Variants in PANK4 observed in about 807,000 individuals in gnomAD.
The protein encoded by PANK4 is 4'-phosphopantetheine phosphatase.
Under a neutral mutation model 87.9 loss-of-function variants are expected in PANK4, and 40 were observed. That is an observed-to-expected ratio of 0.46 (90% confidence interval 0.35 to 0.59). The LOEUF is 0.59. PANK4 is among the 20% of genes least tolerant of loss of function. PANK4 has a pLI of 0.00. For synonymous variants in PANK4, 524 were observed against 467.4 expected, an observed-to-expected ratio of 1.12 and a Z score of -1.56; for missense variants, 926 against 1,072.3, an observed-to-expected ratio of 0.86 and a Z score of 1.90.
At chr1:2,517,386 G>A (rs950292328) in intron 9 of PANK4, among the ~76,000 whole-genome samples, 1 of 152,238 alleles carries the variant, frequency 6.6e-6, no homozygotes, top group Non-Finnish European at 1.5e-5. Context: ...CAAATGACAA[G>A]CAACTTCCTG....
In PANK4 at chr1:2,519,477, G is replaced by C. The variant is rs1237114036; in HGVS notation, c.854-153C>G. Among the ~76,000 whole-genome samples the C allele has an allele frequency of 6.8e-6, 1 of 146,524 alleles. No individual in the cohort carries two copies. The highest frequency in any genetic ancestry group is 2.1e-4 in the East Asian group (1 of 4,806). On this transcript the variant is annotated intron_variant, in intron 6 of 18. Transcript: ENST00000378466. The surrounding 1 kb of genome is among the most constrained non-coding windows in gnomAD (Gnocchi z 8.3). ...GAGGGGGAGAGAGAGCTGAGTGGGG[G>C]AACTGGAGCCCAAGTGCGGGAGGCT...
chr1:2,522,000 C>T, intron 1 of PANK4, 200 bp from the exon 2 acceptor site: 1 of 588,770 alleles, frequency 1.7e-6, no homozygotes, highest in South Asian at 2.0e-5. Context: ...TTTTCTTTCT[C>T]AAATTCTGCT....
Position 2,519,109 on chromosome 1 carries a change from C to T in PANK4, c.1035+34G>A, listed in dbSNP as rs762407207. On this transcript the variant is annotated intron_variant, in intron 7 of 18. Transcript: ENST00000378466. This position sits in a 1 kb window ranked among gnomAD's most constrained non-coding sequence, Gnocchi z 8.3. Reference sequence around the variant, plus strand: ...GATTGGGAAGATCCTGGGGGGTCTGCGTTAGAGGCTGGGGAGGGCGGCGCA... The same window carrying T: ...GATTGGGAAGATCCTGGGGGGTCTGTGTTAGAGGCTGGGGAGGGCGGCGCA... 1.3e-5 allele frequency: 20 copies of T among 1,587,838 alleles called. No homozygotes were observed. The highest frequency in any genetic ancestry group is 5.6e-5 in the South Asian group (5 of 88,698).
At position 2,510,225 on chromosome 1, in the gene PANK4, G is replaced by T; in HGVS notation, c.1939-68C>A. The T allele has an allele frequency of 9.6e-7, 1 of 1,037,714 alleles. No individual in the cohort carries two copies. Among genetic ancestry groups the T allele is most frequent in the Non-Finnish European group, 1.5e-6 (1 of 680,730 alleles). The allele number at this position is 1,037,714 out of a possible 1,614,324, so 64.3% of individuals were successfully genotyped here. ...CCAGCATGGAGCCTGCGTGCACCCCGGCCTTCGAGTGGCTGGGCTGGGTGA... is the reference window on the plus strand; with the variant it reads ...CCAGCATGGAGCCTGCGTGCACCCCTGCCTTCGAGTGGCTGGGCTGGGTGA... On this transcript the variant is annotated intron_variant, in intron 16 of 18. Transcript: ENST00000378466. The surrounding 1 kb of genome is among the most constrained non-coding windows in gnomAD (Gnocchi z 4.9).
intron 14 of PANK4, 86 bp from the exon 15 acceptor site, chr1:2,511,473 G>T: frequency 8.3e-7 from 1 of 1,199,246 alleles, no homozygotes; most frequent in Non-Finnish European, 1.2e-6. Context: ...CGTCTCTCCA[G>T]GAAGCAAGTT....
chr1:2,510,503 G>A lies in PANK4; in HGVS notation c.1938+175C>T, dbSNP rs1643642969. On this transcript the variant is annotated intron_variant, in intron 16 of 18. Coordinates refer to ENST00000378466, the MANE Select transcript of PANK4 (RefSeq NM_018216.4). This position sits in a 1 kb window ranked among gnomAD's most constrained non-coding sequence, Gnocchi z 4.9. ...CCCTCAGCCTGAGCCCAGGGGGCTCGGAGCCTCCACCCCAGCAGATGACGG... is the reference window on the plus strand; with the variant it reads ...CCCTCAGCCTGAGCCCAGGGGGCTCAGAGCCTCCACCCCAGCAGATGACGG... 9.6e-6 allele frequency: 6 copies of A among 623,192 alleles called. No individual in the cohort carries two copies. Among genetic ancestry groups the A allele is most frequent in the South Asian group, 9.5e-5 (5 of 52,822 alleles). 38.6% of individuals were successfully genotyped at this position (623,192 alleles called of 1,614,324 possible). A position where few individuals can be genotyped will look rare whatever the true frequency, so the allele number is the denominator to read the frequency against.
chr1:2,526,540 C>G lies in PANK4; in HGVS notation c.48G>C (p.Leu16=), dbSNP rs1352540237. The change falls in exon 1 of 19, where the codon CTG becomes CTC. Residue 16 remains leucine, a synonymous_variant. Coordinates refer to ENST00000378466, the MANE Select transcript of PANK4 (RefSeq NM_018216.4). ...CGGGGGGCAGCGTGATGCTCTTGTCCAGACTGTCCCCGCTGCTCCCGCTGC... is the reference window on the plus strand; with the variant it reads ...CGGGGGGCAGCGTGATGCTCTTGTCGAGACTGTCCCCGCTGCTCCCGCTGC... The part of the protein sequence containing the change: ...ASGSGSSGDS[L]DKSITLPPDE... The G allele has an allele frequency of 1.9e-6, 3 of 1,601,270 alleles. No individual in the cohort carries two copies. The highest frequency in any genetic ancestry group is 2.6e-6 in the Non-Finnish European group (3 of 1,174,682).
intron 1 of PANK4, among the ~76,000 whole-genome samples, chr1:2,523,220 C>T (rs541347736): frequency 1.3e-5 from 2 of 152,230 alleles, no homozygotes; most frequent in Admixed American, 6.5e-5. Flanking sequence ...CCCACAACAG[C>T]CATCCCAGGG....
rs1312147246 is a variant in PANK4 at position 2,515,773 on chromosome 1, G to A, written c.1219-56C>T. Reference sequence around the variant, plus strand: ...GTCACCATGGTTCAGAACGACCCAAGCCACACTCAGAAGCTTCCACTCTCT... The same window carrying A: ...GTCACCATGGTTCAGAACGACCCAAACCACACTCAGAAGCTTCCACTCTCT... On this transcript the variant is annotated intron_variant, in intron 9 of 18. Transcript: ENST00000378466. The surrounding 1 kb of genome is among the most constrained non-coding windows in gnomAD (Gnocchi z 5.0). 2 of 1,515,516 alleles carry A rather than the reference G, an allele frequency of 1.3e-6. No individual in the cohort carries two copies. Among genetic ancestry groups the A allele is most frequent in the African/African-American group, 1.4e-5 (1 of 72,822 alleles). The allele number at this position is 1,515,516 out of a possible 1,614,324, so 93.9% of individuals were successfully genotyped here.
At chr1:2,514,225 G>T in intron 11 of PANK4, 129 bp downstream of exon 11, 2 of 1,105,140 alleles carry the variant, frequency 1.8e-6, no homozygotes, top group Non-Finnish European at 2.7e-6. Context: ...CAAGGGGGCT[G>T]TGCCGCCAGG....
intron 13 of PANK4, 170 bp downstream of exon 13, chr1:2,512,718 C>A (rs905386079): frequency 6.0e-6 from 4 of 672,010 alleles, no homozygotes; most frequent in Non-Finnish European, 1.0e-5. Flanking sequence ...CCCTGCCCAG[C>A]CCCTGGCGCT....
Position 2,519,720 on chromosome 1 carries a change from A to G in PANK4, c.853+81T>C, listed in dbSNP as rs1303379915. Reference sequence around the variant, plus strand: ...TCCAGGGAGCAGTTGTGGGAAAGCAATGGTGGGGGAAGCTCCTGTCCGTGA... The same window carrying G: ...TCCAGGGAGCAGTTGTGGGAAAGCAGTGGTGGGGGAAGCTCCTGTCCGTGA... On this transcript the variant is annotated intron_variant, in intron 6 of 18. Coordinates refer to ENST00000378466, the MANE Select transcript of PANK4 (RefSeq NM_018216.4). This position sits in a 1 kb window ranked among gnomAD's most constrained non-coding sequence, Gnocchi z 8.3. 1.4e-6 allele frequency: 2 copies of G among 1,380,868 alleles called. No individual in the cohort carries two copies. The highest frequency in any genetic ancestry group is 1.9e-6 in the Non-Finnish European group (2 of 1,032,502). 85.5% of individuals were successfully genotyped at this position (1,380,868 alleles called of 1,614,324 possible). A position where few individuals can be genotyped will look rare whatever the true frequency, so the allele number is the denominator to read the frequency against.
chr1:2,518,362 A>T (rs1643822911), intron 8 of PANK4, 98 bp from the exon 9 acceptor site: 6 of 997,180 alleles, frequency 6.0e-6, no homozygotes, highest in Non-Finnish European at 9.2e-6. Flanking sequence ...TTATTAACTA[A>T]ATTGTTAAAA....
chr1:2,525,930 AC>A (rs1386027860), intron 1 of PANK4: 5 of 151,962 alleles, frequency 3.3e-5, no homozygotes, highest in Non-Finnish European at 7.4e-5. Context: ...CTGTGCACGG[AC>A]TGTCCGGCCC....
In PANK4 at chr1:2,521,178, T is replaced by C. The variant is rs747488061; in HGVS notation, c.345A>G (p.Thr115=). 8.1e-5 allele frequency: 130 copies of C among 1,613,856 alleles called. No homozygotes were observed. Among genetic ancestry groups the C allele is most frequent in the Non-Finnish European group, 1.1e-4 (126 of 1,179,990 alleles). The change falls in exon 3 of 19, where the codon ACA becomes ACG. Residue 115 remains threonine, a synonymous_variant. Coordinates refer to ENST00000378466, the MANE Select transcript of PANK4 (RefSeq NM_018216.4). ...CGGTCGCCTGGATGACCTTGGTCTCTGTGTTGACGAGATGGTCTTTGATGA... is the reference window on the plus strand; with the variant it reads ...CGGTCGCCTGGATGACCTTGGTCTCCGTGTTGACGAGATGGTCTTTGATGA... ...LDFIKDHLVN[T]ETKVIQATGG...
In PANK4 at chr1:2,510,315, T is replaced by G; in HGVS notation, c.1939-158A>C. 1 of 640,284 alleles carries G rather than the reference T, an allele frequency of 1.6e-6. No homozygotes were observed. 39.7% of individuals were successfully genotyped at this position (640,284 alleles called of 1,614,324 possible). ...TGAGGAGCAGGGACCTCGCCTGACC[T>G]TGCCACTCTGTGGCCCCTGGGAGGG... On this transcript the variant is annotated intron_variant, in intron 16 of 18. Coordinates refer to ENST00000378466, the MANE Select transcript of PANK4 (RefSeq NM_018216.4). The surrounding 1 kb of genome is among the most constrained non-coding windows in gnomAD (Gnocchi z 4.9).
intron 9 of PANK4, among the ~76,000 whole-genome samples, chr1:2,516,442 C>T (rs1171472590): frequency 3.3e-5 from 5 of 152,202 alleles, no homozygotes; most frequent in Admixed American, 6.5e-5. Flanking sequence ...ACTGAGCCGA[C>T]GCACACATCA....
intron 1 of PANK4, among the ~76,000 whole-genome samples, chr1:2,524,304 G>A (rs1263227221): frequency 6.6e-6 from 1 of 152,034 alleles, no homozygotes; most frequent in Non-Finnish European, 1.5e-5. Context: ...CAAGGGAAGA[G>A]GAAATGGGAG....
chr1:2,513,812 G>C (rs1007054035), intron 12 of PANK4, among the ~76,000 whole-genome samples, 190 bp downstream of exon 12: 1 of 152,224 alleles, frequency 6.6e-6, no homozygotes, highest in Middle Eastern at 3.2e-3. Flanking sequence ...GGGTAACACA[G>C]CTCCTCAGCA....
Sources: allele counts gnomAD v4.1 joint callset (sites outside exome capture counted in the v4.1 genomes callset), GRCh38; gene constraint gnomAD v4.1.1; non-coding constraint Gnocchi (gnomAD v3.1); transcripts MANE v1.5; gene names NCBI Gene and HGNC (gene_info 2026-07-23, HGNC 2026-07-21).